PINX1: variants seen among roughly 807,000 people sequenced by gnomAD.
PINX1 encodes the protein PIN2/TERF1-interacting telomerase inhibitor 1.
Under a neutral mutation model 25.4 loss-of-function variants are expected in PINX1, and 34 were observed. The observed-to-expected ratio is 1.34, with a 90% CI of 1.02 to 1.78. PINX1 has a LOEUF of 1.78. PINX1 is among the 40% of genes most tolerant of loss of function. PINX1 has a pLI of 0.00. For missense variants in PINX1, 592 were observed against 404.9 expected, an observed-to-expected ratio of 1.46 and a Z score of -3.97; for synonymous variants, 197 against 147.7, an observed-to-expected ratio of 1.33 and a Z score of -2.42.
In PINX1 at chr8:10,765,425, CT is replaced by C. The variant is rs1563196909; in HGVS notation, c.962del (p.Lys321ArgfsTer83). The C allele has an allele frequency of 6.2e-7, 1 of 1,605,264 alleles. No individual in the cohort carries two copies. The highest frequency in any genetic ancestry group is 2.2e-5 in the East Asian group (1 of 44,822). On this transcript the variant is annotated frameshift_variant, in exon 7 of 7. Coordinates refer to ENST00000314787, the MANE Select transcript of PINX1 (RefSeq NM_017884.6). LOFTEE classifies it high-confidence loss of function. The stretch of plus-strand genomic sequence containing the variant: ...TTCATTTGGAATCTTTCTTCTTCTT[CT>C]TTTTCACTAGCGTTTCTTCTAGTGT... ...DATLEETLVK[K>X]KKKKDSK
At chr8:10,787,162 A>G (rs780746027) in intron 6 of PINX1, among the ~76,000 whole-genome samples, 1 of 151,966 alleles carries the variant, frequency 6.6e-6, no homozygotes. Flanking sequence ...GATATATTAT[A>G]TATATAAATG....
At chr8:10,820,054 C>A in intron 6 of PINX1, 139 bp downstream of exon 6, 1 of 665,126 alleles carries the variant, frequency 1.5e-6, no homozygotes, top group South Asian at 1.7e-5. Context: ...AGGATCATAT[C>A]TAGGCTGTGC....
intron 6 of PINX1, among the ~76,000 whole-genome samples, chr8:10,809,024 C>T (rs949520004): frequency 4.6e-5 from 7 of 152,134 alleles, no homozygotes; most frequent in African/African-American, 1.7e-4. Context: ...TCCCTCAAGC[C>T]GAGAGCCATG....
intron 6 of PINX1, among the ~76,000 whole-genome samples, chr8:10,815,945 C>A (rs1000495438): frequency 6.6e-6 from 1 of 152,148 alleles, no homozygotes; most frequent in African/African-American, 2.4e-5. Flanking sequence ...TGGGTAGTGA[C>A]CCCTGCAGAT....
chr8:10,765,387 C>T lies in PINX1; in HGVS notation c.*14G>A, dbSNP rs72549116. 2.9e-3 allele frequency: 4,521 copies of T among 1,575,422 alleles called. 103 individuals carry two copies. In the African/African-American group the frequency reaches 0.049, roughly 17 times the overall value. On this transcript the variant is annotated 3_prime_UTR_variant, in exon 7 of 7. Transcript: ENST00000314787. The stretch of plus-strand genomic sequence containing the variant: ...TGACAGCTGAGTGGTCGGAAGGCCC[C>T]GGCTGGGAAGGATTCATTTGGAATC...
At chr8:10,793,159 G>T (rs72552395) in intron 6 of PINX1, among the ~76,000 whole-genome samples, 1 of 152,180 alleles carries the variant, frequency 6.6e-6, no homozygotes, top group Non-Finnish European at 1.5e-5. Context: ...TTCAAGAAGT[G>T]TAAGCTTGAA....
intron 1 of PINX1, among the ~76,000 whole-genome samples, chr8:10,835,280 AC>A (rs1798368857): frequency 6.6e-6 from 1 of 152,318 alleles, no homozygotes; most frequent in South Asian, 2.1e-4. Flanking sequence ...TTTTCACAGT[AC>A]CCCAACGAGT....
chr8:10,777,368 C>T (rs577388398), intron 6 of PINX1, among the ~76,000 whole-genome samples: 6 of 152,320 alleles, frequency 3.9e-5, no homozygotes, highest in Admixed American at 3.3e-4. Flanking sequence ...TCCTTGCTGC[C>T]GGGAGATGGC....
At chr8:10,827,969 T>A (rs190853169) in intron 4 of PINX1, among the ~76,000 whole-genome samples, 107 of 146,022 alleles carry the variant, frequency 7.3e-4, no homozygotes, top group Non-Finnish European at 1.4e-3. Flanking sequence ...ATAAGAGAAA[T>A]TGGAAAAAAA....
chr8:10,765,511 G>A lies in PINX1; in HGVS notation c.877C>T (p.Pro293Ser), dbSNP rs1350490825. ...TTTTTCTTCCCTCTCCTCTTTTTGG[G>A]CTTCAGGGTGAAGTCCCGGCCCTCA... is the stretch of plus-strand genomic sequence containing the variant. ...PPEGRDFTLK[P>S]KKRRGKKKLQ... Residue 293 changes from proline to serine, a missense_variant, in exon 7 of 7, where the codon CCC becomes TCC. Coordinates refer to ENST00000314787, the MANE Select transcript of PINX1 (RefSeq NM_017884.6). 6.2e-7 allele frequency: 1 copy of A among 1,613,538 alleles called. No homozygotes were observed. Among genetic ancestry groups the A allele is most frequent in the Admixed American group, 1.7e-5 (1 of 60,018 alleles).
intron 1 of PINX1, 136 bp downstream of exon 1, chr8:10,839,602 C>T: frequency 1.2e-6 from 1 of 851,478 alleles, no homozygotes. Context: ...CAGAGCCGGG[C>T]TCGGCTCCCC....
intron 6 of PINX1, among the ~76,000 whole-genome samples, chr8:10,789,601 T>C (rs946816673): frequency 5.9e-5 from 9 of 152,204 alleles, no homozygotes; most frequent in Non-Finnish European, 1.3e-4. Context: ...AGGAGTAGCA[T>C]TTTAGGAATG....
At chr8:10,792,049 G>A (rs1262249418) in intron 6 of PINX1, among the ~76,000 whole-genome samples, 1 of 152,178 alleles carries the variant, frequency 6.6e-6, no homozygotes, top group Non-Finnish European at 1.5e-5. Context: ...ACCAGCAAGG[G>A]TAGCGCTGGA....
At chr8:10,788,294 G>A (rs1457569949) in intron 6 of PINX1, among the ~76,000 whole-genome samples, 2 of 152,190 alleles carry the variant, frequency 1.3e-5, no homozygotes, top group African/African-American at 4.8e-5. Context: ...AGACACAGTG[G>A]CTCACATCTG....
At chr8:10,801,958 C>G (rs1442968916) in intron 6 of PINX1, among the ~76,000 whole-genome samples, 1 of 152,152 alleles carries the variant, frequency 6.6e-6, no homozygotes, top group Non-Finnish European at 1.5e-5. Flanking sequence ...ATGCAGCAAT[C>G]TCACAGTACT....
chr8:10,794,662 T>G (rs555535469), intron 6 of PINX1, among the ~76,000 whole-genome samples: 8 of 152,158 alleles, frequency 5.3e-5, no homozygotes, highest in Non-Finnish European at 8.8e-5. Flanking sequence ...CCTGACCTTG[T>G]GATCCGTCCG....
At chr8:10,808,714 A>T (rs1802533583) in intron 6 of PINX1, among the ~76,000 whole-genome samples, 1 of 152,222 alleles carries the variant, frequency 6.6e-6, no homozygotes, top group Admixed American at 6.5e-5. Flanking sequence ...AGCCAGGAAA[A>T]GATAATTTCA....
chr8:10,769,617 C>T (rs1801163266), intron 6 of PINX1, among the ~76,000 whole-genome samples: 1 of 152,244 alleles, frequency 6.6e-6, no homozygotes, highest in South Asian at 2.1e-4. Flanking sequence ...GTGCCAGGCA[C>T]TTGACATCAA....
At chr8:10,786,444 G>C (rs1801749695) in intron 6 of PINX1, among the ~76,000 whole-genome samples, 1 of 152,178 alleles carries the variant, frequency 6.6e-6, no homozygotes, top group African/African-American at 2.4e-5. Flanking sequence ...TAAGCAAGGG[G>C]AGCCAAGACA....
Sources: gnomAD v4.1 joint callset for allele counts (sites outside exome capture counted in the v4.1 genomes callset) on GRCh38, gnomAD v4.1.1 for gene constraint, MANE v1.5 for transcripts, NCBI Gene and HGNC (gene_info 2026-07-23, HGNC 2026-07-21) for gene names.